Variants in FAM186A observed in about 807,000 individuals in gnomAD.
The protein encoded by FAM186A is family with sequence similarity 186 member A.
FAM186A carries 163 observed loss-of-function variants against 216.8 expected under a neutral mutation model. The observed-to-expected ratio is 0.75, with a 90% CI of 0.66 to 0.86. The LOEUF (loss-of-function observed/expected upper bound fraction) is 0.86, where lower values mean the gene tolerates loss of function less well. Ranked by LOEUF, FAM186A falls within the 40% of genes least tolerant of loss-of-function variation. The pLI is 0.00. For missense variants in FAM186A, 2,184 were observed against 2,746.2 expected, an observed-to-expected ratio of 0.80 and a Z score of 4.58; for synonymous variants, 805 against 1,025.3, an observed-to-expected ratio of 0.79 and a Z score of 4.10.
chr12:50,370,123 CAA>C lies in FAM186A; in HGVS notation c.193-6761_193-6760del, dbSNP rs56403101. Among the ~76,000 whole-genome samples, 25 of 38,438 alleles carry C rather than the reference CAA, an allele frequency of 6.5e-4. 1 individual carries two copies. The highest frequency in any genetic ancestry group is 0.071 in the Middle Eastern group (2 of 28). 25.2% of individuals were successfully genotyped at this position (38,438 alleles called of 152,430 possible). ...TGGGCGACAGAGCGAGACTCCATCT[CAA>C]AAAAAAAAAAAAAAAAAAAAAAGCA... On this transcript the variant is annotated intron_variant, in intron 1 of 7. Coordinates refer to ENST00000327337, the MANE Select transcript of FAM186A (RefSeq NM_001145475.3).
At chr12:50,370,138 A>AG (rs1466075221) in intron 1 of FAM186A, among the ~76,000 whole-genome samples, 7 of 148,284 alleles carry the variant, frequency 4.7e-5, no homozygotes, top group Non-Finnish European at 1.0e-4. Flanking sequence ...AAAAAAAAAA[A>AG]AAAAAAAAAG....
intron 1 of FAM186A, among the ~76,000 whole-genome samples, chr12:50,371,159 C>T (rs758994365): frequency 6.6e-6 from 1 of 151,968 alleles, no homozygotes; most frequent in Non-Finnish European, 1.5e-5. Flanking sequence ...TACTCTGTCA[C>T]CTAGGCTAGA....
chr12:50,357,442 C>T (rs1001069724), intron 3 of FAM186A, among the ~76,000 whole-genome samples: 7 of 143,598 alleles, frequency 4.9e-5, no homozygotes, highest in African/African-American at 1.8e-4. Flanking sequence ...GCGGCGGTTG[C>T]GGTGAGCCGA....
In FAM186A at chr12:50,372,994, G is replaced by GGAAGGAAAGAAA. The variant is rs1491450637; in HGVS notation, c.193-9631_193-9630insTTTCTTTCCTTC. ...AGGGACGGAGGGAGGAAGGAAGGAA[G>GGAAGGAAAGAAA]GAATGAAAGAAAGAAAGAAAGAAAG... On this transcript the variant is annotated intron_variant, in intron 1 of 7. Transcript: ENST00000327337. Among the ~76,000 whole-genome samples, 9 of 59,520 alleles carry GGAAGGAAAGAAA rather than the reference G, an allele frequency of 1.5e-4. 1 individual carries two copies. The highest frequency in any genetic ancestry group is 3.0e-4 in the African/African-American group (6 of 19,674). The allele number at this position is 59,520 out of a possible 152,430, so 39.0% of individuals were successfully genotyped here. A position where few individuals can be genotyped will look rare whatever the true frequency, so the allele number is the denominator to read the frequency against.
At chr12:50,388,391 G>T (rs1349695711) in intron 1 of FAM186A, among the ~76,000 whole-genome samples, 1 of 152,156 alleles carries the variant, frequency 6.6e-6, no homozygotes, top group Non-Finnish European at 1.5e-5. Flanking sequence ...GCAGAGGCGG[G>T]AGGATCCCCT....
At chr12:50,333,398 G>A (rs939378959) in intron 5 of FAM186A, among the ~76,000 whole-genome samples, 1 of 152,066 alleles carries the variant, frequency 6.6e-6, no homozygotes, top group Admixed American at 6.6e-5. Context: ...TGGGCATGGT[G>A]GTGGGCGCCT....
Position 50,350,904 on chromosome 12 carries a change from G to A in FAM186A, c.5928C>T (p.Phe1976=). 6.4e-7 allele frequency: 1 copy of A among 1,551,632 alleles called. No individual in the cohort carries two copies. Among genetic ancestry groups the A allele is most frequent in the Non-Finnish European group, 8.7e-7 (1 of 1,146,986 alleles). The change falls in exon 4 of 8, where the codon TTC becomes TTT. Residue 1976 remains phenylalanine (F), a synonymous_variant. Coordinates refer to ENST00000327337, the MANE Select transcript of FAM186A (RefSeq NM_001145475.3). ...TGGTGAAAGGAACTTGAGCTACCTT[G>A]AAATCTGGAGCACTAGGATGGATCA... is the stretch of plus-strand genomic sequence containing the variant. ...SVLIHPSAPD[F]KVAQVPFTTK...
chr12:50,381,669 A>C (rs183359838), intron 1 of FAM186A, among the ~76,000 whole-genome samples: 6 of 152,350 alleles, frequency 3.9e-5, no homozygotes, highest in Admixed American at 3.9e-4. Flanking sequence ...CTTTAAGTCA[A>C]AAACTAATAG....
Position 50,354,447 on chromosome 12 carries a change from G to T in FAM186A, c.2385C>A (p.Ile795=), listed in dbSNP as rs1430177724. Reference sequence around the variant, plus strand: ...CTCTTTCACTTTCTATTTCAGCCAAGATCATTTGTATTAAATTGTTAATTA... The same window carrying T: ...CTCTTTCACTTTCTATTTCAGCCAATATCATTTGTATTAAATTGTTAATTA... ...DPVINNLIQM[I]LAEIESERDI... Residue 795 remains isoleucine, a synonymous_variant, in exon 4 of 8, where the codon ATC becomes ATA. Transcript: ENST00000327337. The T allele has an allele frequency of 1.3e-6, 2 of 1,551,504 alleles. No individual in the cohort carries two copies. Among genetic ancestry groups the T allele is most frequent in the Non-Finnish European group, 1.7e-6 (2 of 1,146,984 alleles).
chr12:50,349,815 C>T (rs1371047699), intron 4 of FAM186A, among the ~76,000 whole-genome samples: 2 of 152,042 alleles, frequency 1.3e-5, no homozygotes, highest in African/African-American at 4.8e-5. Flanking sequence ...CCATGCCTGT[C>T]TAATTTTTGA....
At chr12:50,379,040 C>T (rs1943227962) in intron 1 of FAM186A, among the ~76,000 whole-genome samples, 2 of 152,188 alleles carry the variant, frequency 1.3e-5, no homozygotes, top group African/African-American at 4.8e-5. Flanking sequence ...TGCAGTGGCT[C>T]ACGCCTGTAA....
At chr12:50,383,440 C>A (rs1943273516) in intron 1 of FAM186A, among the ~76,000 whole-genome samples, 1 of 151,336 alleles carries the variant, frequency 6.6e-6, no homozygotes, top group Non-Finnish European at 1.5e-5. Flanking sequence ...ACTAAAAATA[C>A]AAAAAATTAG....
intron 1 of FAM186A, among the ~76,000 whole-genome samples, chr12:50,370,418 A>G (rs1234587998): frequency 6.6e-6 from 1 of 152,166 alleles, no homozygotes; most frequent in Non-Finnish European, 1.5e-5. Flanking sequence ...CGTAACTAGT[A>G]ATTAGGAAAA....
intron 4 of FAM186A, among the ~76,000 whole-genome samples, chr12:50,344,054 C>A (rs1279072065): frequency 7.1e-6 from 1 of 141,008 alleles, no homozygotes; most frequent in Non-Finnish European, 1.5e-5. Context: ...CCCAGCCAGT[C>A]TATTTTTTTT....
chr12:50,327,312 G>T lies in FAM186A; in HGVS notation c.*71C>A. ...GACAAAGCAATATATACGCATGAAA[G>T]AGAACAAAATAGGCATTTTACTGAA... On this transcript the variant is annotated 3_prime_UTR_variant, in exon 8 of 8. Transcript: ENST00000327337. 7.8e-7 allele frequency: 1 copy of T among 1,278,286 alleles called. No individual in the cohort carries two copies. The highest frequency in any genetic ancestry group is 1.1e-6 in the Non-Finnish European group (1 of 899,160). 79.2% of individuals were successfully genotyped at this position (1,278,286 alleles called of 1,614,324 possible). A position where few individuals can be genotyped will look rare whatever the true frequency, so the allele number is the denominator to read the frequency against.
At chr12:50,384,644 A>G (rs1286974652) in intron 1 of FAM186A, among the ~76,000 whole-genome samples, 5 of 141,978 alleles carry the variant, frequency 3.5e-5, no homozygotes, top group Non-Finnish European at 7.9e-5. Flanking sequence ...ATAAATCCAC[A>G]CATTTCACAG....
chr12:50,375,419 C>T (rs1943187695), intron 1 of FAM186A, among the ~76,000 whole-genome samples: 2 of 151,336 alleles, frequency 1.3e-5, no homozygotes, highest in Non-Finnish European at 2.9e-5. Context: ...CATGTTGGCA[C>T]ACACCTATAA....
chr12:50,330,869 C>T lies in FAM186A; in HGVS notation c.6849-111G>A, dbSNP rs1679396252. 3.3e-6 allele frequency: 3 copies of T among 901,938 alleles called. No homozygotes were observed. The South Asian group carries it at 6.7e-5, about 20-fold the overall frequency. 55.9% of individuals were successfully genotyped at this position (901,938 alleles called of 1,614,324 possible). ...GCCACCTTGTCCTATAATGCCTTCC[C>T]CTTGCACTGACCAGCATTAGCTATG... On this transcript the variant is annotated intron_variant, in intron 6 of 7. Coordinates refer to ENST00000327337, the MANE Select transcript of FAM186A (RefSeq NM_001145475.3).
intron 4 of FAM186A, among the ~76,000 whole-genome samples, chr12:50,345,762 A>G (rs1592603347): frequency 6.6e-6 from 1 of 152,214 alleles, no homozygotes; most frequent in East Asian, 1.9e-4. Flanking sequence ...CTTATAGTAT[A>G]GTTTGAAGTT....
Sources: allele counts gnomAD v4.1 joint callset (sites outside exome capture counted in the v4.1 genomes callset), GRCh38; gene constraint gnomAD v4.1.1; transcripts MANE v1.5; gene names NCBI Gene and HGNC (gene_info 2026-07-23, HGNC 2026-07-21).